Variants in ALDH1A2 observed in about 807,000 individuals in gnomAD.
ALDH1A2 encodes aldehyde dehydrogenase 1 family member A2.
A neutral mutation model predicts 60.3 loss-of-function variants in ALDH1A2; 27 were observed. The ratio of observed to expected loss-of-function variants is 0.45; its 90% CI spans 0.33 to 0.62. The LOEUF (loss-of-function observed/expected upper bound fraction) is 0.62. Among genes scored for constraint, ALDH1A2 ranks in the 20% least tolerant of loss-of-function variants. ALDH1A2 has a pLI of 0.02. For synonymous variants in ALDH1A2, 289 were observed against 232.4 expected (o/e 1.24, Z -2.21); for missense variants, 581 against 643.8 (o/e 0.90, Z 1.06).
intron 7 of ALDH1A2, chr15:57,991,381 G>A (rs983179124): frequency 2.0e-5 from 3 of 152,038 alleles, no homozygotes; most frequent in Admixed American, 2.0e-4. Flanking sequence ...AACAAACAAG[G>A]TTAACTCGAC....
rs1896728675 is a variant in ALDH1A2 at position 58,049,751 on chromosome 15, G to T, written c.117+15783C>A. Among the ~76,000 whole-genome samples, 3 of 152,066 alleles carry T rather than the reference G, an allele frequency of 2.0e-5. 1 individual carries two copies. The South Asian group carries it at 6.2e-4, about 31-fold the overall frequency. On this transcript the variant is annotated intron_variant, in intron 1 of 12. Transcript: ENST00000249750. ...GGTTCAAACATGGTAAGGCTACCTGGCCTGTAGAGGGTCTGAACAGCGGTG... is the reference window on the plus strand; with the variant it reads ...GGTTCAAACATGGTAAGGCTACCTGTCCTGTAGAGGGTCTGAACAGCGGTG...
At chr15:57,970,240 A>ATCATTACATCTTTC (rs1414914409) in intron 7 of ALDH1A2, among the ~76,000 whole-genome samples, 7 of 152,200 alleles carry the variant, frequency 4.6e-5, no homozygotes, top group African/African-American at 9.7e-5. Flanking sequence ...TCCTTATGAA[A>ATCATTACATCTTTC]GAGTAAGTGA....
At chr15:58,003,828 G>A (rs756278810) in intron 4 of ALDH1A2, among the ~76,000 whole-genome samples, 2 of 151,838 alleles carry the variant, frequency 1.3e-5, no homozygotes, top group South Asian at 2.1e-4. Context: ...TGTTCCATAG[G>A]TCATAGTAAT....
chr15:57,978,029 T>C (rs1894330155), intron 7 of ALDH1A2, among the ~76,000 whole-genome samples: 1 of 152,234 alleles, frequency 6.6e-6, no homozygotes, highest in Non-Finnish European at 1.5e-5. Flanking sequence ...CTTGTGATTT[T>C]TGCAATTGAT....
intron 7 of ALDH1A2, among the ~76,000 whole-genome samples, chr15:57,975,441 G>A (rs1353422810): frequency 6.6e-6 from 1 of 152,056 alleles, no homozygotes; most frequent in African/African-American, 2.4e-5. Flanking sequence ...TTTGGATTTG[G>A]GATATTTTTT....
At chr15:57,998,202 T>C (rs1033168907) in intron 4 of ALDH1A2, among the ~76,000 whole-genome samples, 4 of 151,868 alleles carry the variant, frequency 2.6e-5, no homozygotes, top group Admixed American at 1.3e-4. Context: ...TGGCCAGTTC[T>C]TTCTCAGGCA....
rs531095933 is a variant in ALDH1A2, at chr15:57,979,485, C to T, written c.798+13220G>A. Among the ~76,000 whole-genome samples the T allele has an allele frequency of 1.9e-4, 29 of 152,206 alleles. No homozygotes were observed. In the South Asian group the frequency reaches 5.6e-3, roughly 29 times the overall value. ...CGTGCCAGCAGGGACCCTCACCATA[C>T]ACATATTGGGATATGGCCTTGACCC... On this transcript the variant is annotated intron_variant, in intron 7 of 12. Coordinates refer to ENST00000249750, the MANE Select transcript of ALDH1A2 (RefSeq NM_003888.4).
chr15:58,024,624 CCTCA>C (rs1453263570), intron 1 of ALDH1A2, among the ~76,000 whole-genome samples: 1 of 151,944 alleles, frequency 6.6e-6, no homozygotes, highest in Non-Finnish European at 1.5e-5. Flanking sequence ...ACTTCAACAC[CCTCA>C]CTGTCAGCAC....
intron 9 of ALDH1A2, 114 bp from the exon 10 acceptor site, chr15:57,962,290 G>T: frequency 7.6e-7 from 1 of 1,309,550 alleles, no homozygotes; most frequent in Non-Finnish European, 1.1e-6. Context: ...ACTACACCCA[G>T]TCAGATCATA....
intron 1 of ALDH1A2, among the ~76,000 whole-genome samples, chr15:58,035,544 A>G (rs1394053783): frequency 2.6e-5 from 4 of 151,628 alleles, no homozygotes; most frequent in Admixed American, 2.6e-4. Context: ...TTTTAAATAT[A>G]TGCATTCAGT....
At chr15:57,988,928 GGAGGCT>G (rs1204608818) in intron 7 of ALDH1A2, among the ~76,000 whole-genome samples, 1 of 152,118 alleles carries the variant, frequency 6.6e-6, no homozygotes, top group African/African-American at 2.4e-5. Context: ...CAGCATTTTG[GGAGGCT>G]GAGGCTGGTG....
chr15:57,973,630 C>A (rs1429741420), intron 7 of ALDH1A2, among the ~76,000 whole-genome samples: 1 of 152,188 alleles, frequency 6.6e-6, no homozygotes, highest in African/African-American at 2.4e-5. Flanking sequence ...GAAAATTCTC[C>A]ATCCACCACT....
At position 57,964,310 on chromosome 15, in the gene ALDH1A2, G is replaced by A. The variant is rs777154374; in HGVS notation, c.902-241C>T. ...TCTGCAAACAGAGGTACTGAACCTC[G>A]TGTATAACAGGAGTCTCAAACCCCT... On this transcript the variant is annotated intron_variant, in intron 8 of 12. Transcript: ENST00000249750. 1.5e-4 allele frequency: 78 copies of A among 518,286 alleles called. 2 individuals are homozygous for A. The highest frequency in any genetic ancestry group is 4.8e-4 in the Admixed American group (15 of 31,422). The allele number at this position is 518,286 out of a possible 1,614,324, so 32.1% of individuals were successfully genotyped here.
chr15:57,970,718 C>T (rs1424628543), intron 7 of ALDH1A2, among the ~76,000 whole-genome samples: 1 of 151,950 alleles, frequency 6.6e-6, no homozygotes, highest in Non-Finnish European at 1.5e-5. Context: ...TTTTTCTCAG[C>T]GATATAACAC....
intron 1 of ALDH1A2, among the ~76,000 whole-genome samples, chr15:58,028,193 G>GACTAA (rs1896130502): frequency 6.6e-6 from 1 of 152,208 alleles, no homozygotes; most frequent in Non-Finnish European, 1.5e-5. Flanking sequence ...CAGACTAACA[G>GACTAA]CAGATCCCTT....
Position 58,004,723 on chromosome 15 carries a change from A to G in ALDH1A2, c.493+5926T>C, listed in dbSNP as rs920197315. 6.7e-3 allele frequency among the ~76,000 whole-genome samples: 429 copies of G among 64,340 alleles called. 1 individual carries two copies. The highest frequency in any genetic ancestry group is 0.028 in the East Asian group (42 of 1,524). The allele number at this position is 64,340 out of a possible 152,430, so 42.2% of individuals were successfully genotyped here. A position where few individuals can be genotyped will look rare whatever the true frequency, so the allele number is the denominator to read the frequency against. ...TGTGTGCGTGTGTGTGTGTGTGTAT[A>G]TATATACATATATATATATATTTTA... On this transcript the variant is annotated intron_variant, in intron 4 of 12. Coordinates refer to ENST00000249750, the MANE Select transcript of ALDH1A2 (RefSeq NM_003888.4).
chr15:58,030,279 G>A (rs997121976), intron 1 of ALDH1A2, among the ~76,000 whole-genome samples: 6 of 151,984 alleles, frequency 3.9e-5, no homozygotes, highest in African/African-American at 1.4e-4. Flanking sequence ...ACAGAACCAA[G>A]GACAAAAACC....
At chr15:58,023,073 G>A (rs1469215085) in intron 1 of ALDH1A2, among the ~76,000 whole-genome samples, 1 of 152,064 alleles carries the variant, frequency 6.6e-6, no homozygotes, top group African/African-American at 2.4e-5. Context: ...AGATACAAGT[G>A]AATTCTGAAC....
At chr15:58,034,072 CTT>C (rs1896315056) in intron 1 of ALDH1A2, among the ~76,000 whole-genome samples, 1 of 151,586 alleles carries the variant, frequency 6.6e-6, no homozygotes, top group South Asian at 2.1e-4. Context: ...TACATATTAA[CTT>C]GGGAAGAAAT....
Sources: allele counts gnomAD v4.1 joint callset (sites outside exome capture counted in the v4.1 genomes callset), GRCh38; gene constraint gnomAD v4.1.1; transcripts MANE v1.5; gene names NCBI Gene and HGNC (gene_info 2026-07-23, HGNC 2026-07-21).